Variants in YEATS4 observed in about 807,000 individuals in gnomAD.
YEATS4 encodes the protein YEATS domain-containing protein 4.
YEATS4 carries 17 observed loss-of-function variants against 30.1 expected under a neutral mutation model. The ratio of observed to expected loss-of-function variants is 0.56; its 90% CI spans 0.39 to 0.85. The LOEUF (loss-of-function observed/expected upper bound fraction) is 0.85. YEATS4 is among the 40% of genes least tolerant of loss of function. YEATS4 has a pLI of 0.00. For synonymous variants in YEATS4, 85 were observed against 87.5 expected (o/e 0.97, Z 0.16); for missense variants, 142 against 268.3 (o/e 0.53, Z 3.29).
At chr12:69,395,227 A>G (rs1298792915), downstream of YEATS4, among the ~76,000 whole-genome samples, 1 of 152,192 alleles carries the variant, frequency 6.6e-6, no homozygotes, top group Non-Finnish European at 1.5e-5. Flanking sequence ...AAATAAGAAA[A>G]AATGTATTAC....
chr12:69,407,789 T>G, the YEATS4 span, among the ~76,000 whole-genome samples: 1 of 117,672 alleles, frequency 8.5e-6, no homozygotes, highest in Admixed American at 1.2e-4. Context: ...CAATCTCAGC[T>G]CACCACAACC....
intron 6 of YEATS4, among the ~76,000 whole-genome samples, chr12:69,375,551 C>T (rs1190213581): frequency 9.9e-5 from 15 of 152,114 alleles, no homozygotes; most frequent in Non-Finnish European, 1.5e-4. Context: ...CCAAGGCAGG[C>T]GGCTGGGAGA....
chr12:69,369,116 CCCATCTTTGA>C (rs1875547549), intron 4 of YEATS4, among the ~76,000 whole-genome samples: 1 of 152,144 alleles, frequency 6.6e-6, no homozygotes, highest in South Asian at 2.1e-4. Context: ...ACATCTTTAT[CCCATCTTTGA>C]CCTCTTTTCC....
At chr12:69,404,456 G>A in the YEATS4 span, among the ~76,000 whole-genome samples, 1 of 152,138 alleles carries the variant, frequency 6.6e-6, no homozygotes, top group Non-Finnish European at 1.5e-5. Flanking sequence ...TTGGGAGTGG[G>A]TTAGTTATTG....
At chr12:69,424,529 T>C in the YEATS4 span, among the ~76,000 whole-genome samples, 1 of 152,204 alleles carries the variant, frequency 6.6e-6, no homozygotes. Flanking sequence ...TGGTTTGCCT[T>C]TGCATCCCCA....
At chr12:69,400,090 C>T in the YEATS4 span, among the ~76,000 whole-genome samples, 1 of 151,798 alleles carries the variant, frequency 6.6e-6, no homozygotes, top group African/African-American at 2.4e-5. Flanking sequence ...CTAAAAACAA[C>T]TGACTTGTAT....
chr12:69,364,379 T>TA (rs1875348885), intron 2 of YEATS4: 2 of 186,706 alleles, frequency 1.1e-5, no homozygotes, highest in Middle Eastern at 1.9e-3. Context: ...ATTTAAAAAT[T>TA]CCTAAAAGTA....
At chr12:69,422,707 A>AC in the YEATS4 span, 16,890 of 152,518 alleles carry the variant, frequency 0.11, 1,182 homozygotes, top group East Asian at 0.18. Context: ...CCAAGGCCAC[A>AC]CACAGCCTGT....
chr12:69,418,251 C>G, the YEATS4 span, among the ~76,000 whole-genome samples: 1 of 152,082 alleles, frequency 6.6e-6, no homozygotes, highest in African/African-American at 2.4e-5. Context: ...ACTAGCCAGC[C>G]TGGCCCATAA....
At chr12:69,384,564 C>T (rs1777859314) in intron 6 of YEATS4, among the ~76,000 whole-genome samples, 1 of 152,162 alleles carries the variant, frequency 6.6e-6, no homozygotes, top group African/African-American at 2.4e-5. Context: ...TTTTGATCAT[C>T]ACTTCATAGT....
At chr12:69,410,638 CTA>C in the YEATS4 span, among the ~76,000 whole-genome samples, 1 of 152,176 alleles carries the variant, frequency 6.6e-6, no homozygotes, top group Admixed American at 6.5e-5. Flanking sequence ...ACAAAAGAAA[CTA>C]TAAGCAAGCA....
At chr12:69,384,353 G>A (rs1238888863) in intron 6 of YEATS4, among the ~76,000 whole-genome samples, 1 of 152,154 alleles carries the variant, frequency 6.6e-6, no homozygotes, top group East Asian at 1.9e-4. Context: ...AATATGTTTT[G>A]TGAAAAGGCT....
chr12:69,386,583 C>T (rs966857728), intron 6 of YEATS4, among the ~76,000 whole-genome samples: 5 of 152,116 alleles, frequency 3.3e-5, no homozygotes, highest in Non-Finnish European at 7.4e-5. Context: ...TACCTGTTTC[C>T]TGCCTCTGTA....
At chr12:69,392,999 A>T (rs1868327207), downstream of YEATS4, among the ~76,000 whole-genome samples, 2 of 152,220 alleles carry the variant, frequency 1.3e-5, no homozygotes, top group African/African-American at 4.8e-5. Context: ...AGAAAATTCT[A>T]GTATTAATTT....
chr12:69,370,605 T>C, intron 4 of YEATS4, 101 bp from the exon 5 acceptor site: 1 of 926,746 alleles, frequency 1.1e-6, no homozygotes, highest in Non-Finnish European at 1.5e-6. Flanking sequence ...GAATTTGACA[T>C]GTATATACTT....
At chr12:69,388,954 C>A (rs371720357) in intron 6 of YEATS4, among the ~76,000 whole-genome samples, 2 of 152,046 alleles carry the variant, frequency 1.3e-5, no homozygotes, top group African/African-American at 4.8e-5. Flanking sequence ...AGAGTAAGAT[C>A]CTGTCTCAAA....
chr12:69,417,719 G>A, the YEATS4 span, among the ~76,000 whole-genome samples: 5 of 152,142 alleles, frequency 3.3e-5, no homozygotes, highest in East Asian at 9.6e-4. Context: ...CTATTTGTTG[G>A]TGTTTCTGTG....
chr12:69,394,178 C>T (rs1230694659), downstream of YEATS4, among the ~76,000 whole-genome samples: 6 of 152,060 alleles, frequency 3.9e-5, no homozygotes, highest in Admixed American at 3.9e-4. Context: ...TAGAATGGAG[C>T]CCAGGAATTT....
the YEATS4 span, among the ~76,000 whole-genome samples, chr12:69,412,672 A>AAT: frequency 4.3e-4 from 65 of 152,246 alleles, no homozygotes; most frequent in East Asian, 8.5e-3. Flanking sequence ...AAATAAATAA[A>AAT]AATACAAATA....
Sources: gnomAD v4.1 joint callset for allele counts (sites outside exome capture counted in the v4.1 genomes callset) on GRCh38, gnomAD v4.1.1 for gene constraint, MANE v1.5 for transcripts, NCBI Gene and HGNC (gene_info 2026-07-23, HGNC 2026-07-21) for gene names.